Variants in IPO11 observed in about 807,000 individuals in gnomAD.
The protein encoded by IPO11 is importin-11.
Under a neutral mutation model 143.2 loss-of-function variants are expected in IPO11, and 66 were observed. That is an observed-to-expected ratio of 0.46 (90% CI 0.38 to 0.57). The LOEUF is 0.57. Among genes scored for constraint, IPO11 ranks in the 20% least tolerant of loss-of-function variants. The pLI, the probability that IPO11 is intolerant of heterozygous loss-of-function variation, is 0.00. For synonymous variants in IPO11, 385 were observed against 377.8 expected (o/e 1.02, Z -0.22); for missense variants, 1,026 against 1,141.0 (o/e 0.90, Z 1.45).
At chr5:62,470,883 AG>A (rs2112199830) in intron 7 of IPO11, among the ~76,000 whole-genome samples, 1 of 118,516 alleles carries the variant, frequency 8.4e-6, no homozygotes, top group African/African-American at 3.3e-5. Flanking sequence ...GCTGGAGTGC[AG>A]TGGTGCAGTC....
At chr5:62,572,655 C>T (rs1744175772) in intron 27 of IPO11, among the ~76,000 whole-genome samples, 1 of 151,952 alleles carries the variant, frequency 6.6e-6, no homozygotes, top group Admixed American at 6.6e-5. Context: ...GATCTTGGCT[C>T]ACTGCAGCCT....
chr5:62,465,541 A>T (rs1246227992), intron 5 of IPO11, among the ~76,000 whole-genome samples: 2 of 152,226 alleles, frequency 1.3e-5, no homozygotes, highest in African/African-American at 4.8e-5. Flanking sequence ...TTTTTATGAT[A>T]CAGTGGTTTG....
intron 26 of IPO11, among the ~76,000 whole-genome samples, chr5:62,554,591 T>C (rs970860709): frequency 2.0e-5 from 3 of 152,134 alleles, no homozygotes; most frequent in Admixed American, 1.3e-4. Context: ...GCTGTAAATG[T>C]ATGGATTTAT....
At chr5:62,491,842 AT>A (rs559444259) in intron 15 of IPO11, among the ~76,000 whole-genome samples, 5 of 149,062 alleles carry the variant, frequency 3.4e-5, no homozygotes, top group East Asian at 2.0e-4. Flanking sequence ...ATTTTTTTGT[AT>A]TTTTTTTTAG....
chr5:62,423,856 G>A (rs569365374), intron 1 of IPO11, among the ~76,000 whole-genome samples: 1 of 151,872 alleles, frequency 6.6e-6, no homozygotes, highest in South Asian at 2.1e-4. Flanking sequence ...ACTCTTCCCC[G>A]GTCTTCACAG....
intron 2 of IPO11, among the ~76,000 whole-genome samples, chr5:62,442,465 A>G (rs1744520314): frequency 6.6e-6 from 1 of 152,232 alleles, no homozygotes; most frequent in Non-Finnish European, 1.5e-5. Flanking sequence ...TTAACATACA[A>G]CTGAGCAGGT....
At chr5:62,416,715 C>CTTTTTTTTTTTTTTTT (rs11295932) in intron 1 of IPO11, among the ~76,000 whole-genome samples, 1 of 144,138 alleles carries the variant, frequency 6.9e-6, no homozygotes. Flanking sequence ...CTCTTATTAT[C>CTTTTTTTTTTTTTTTT]TTTTTTTTTT....
At chr5:62,584,091 A>G (rs1227338130) in intron 27 of IPO11, among the ~76,000 whole-genome samples, 1 of 152,230 alleles carries the variant, frequency 6.6e-6, no homozygotes, top group African/African-American at 2.4e-5. Flanking sequence ...AGAAATCAAT[A>G]GTATTTATTT....
intron 27 of IPO11, among the ~76,000 whole-genome samples, chr5:62,576,843 T>A (rs1337303058): frequency 2.0e-5 from 3 of 152,242 alleles, no homozygotes; most frequent in Non-Finnish European, 4.4e-5. Flanking sequence ...GAACAATTGC[T>A]CTGTTATTTA....
chr5:62,548,619 A>G (rs1403918083), intron 24 of IPO11, among the ~76,000 whole-genome samples: 1 of 152,158 alleles, frequency 6.6e-6, no homozygotes, highest in African/African-American at 2.4e-5. Flanking sequence ...TTTCTTAGAC[A>G]GACTTTCAAC....
At chr5:62,568,919 A>T (rs1016169105) in intron 27 of IPO11, among the ~76,000 whole-genome samples, 5 of 152,188 alleles carry the variant, frequency 3.3e-5, no homozygotes, top group African/African-American at 4.8e-5. Context: ...AAAGGGACTG[A>T]CTGTTCACTT....
At chr5:62,600,444 C>T (rs953119860) in intron 28 of IPO11, among the ~76,000 whole-genome samples, 1 of 152,166 alleles carries the variant, frequency 6.6e-6, no homozygotes, top group African/African-American at 2.4e-5. Flanking sequence ...GAATTTGATG[C>T]AGAATAAAGC....
In IPO11 at chr5:62,449,907, A is replaced by G. The variant is rs1011557164; in HGVS notation, c.240-20A>G. 17 of 1,432,298 alleles carry G rather than the reference A, an allele frequency of 1.2e-5. No individual in the cohort carries two copies. Among genetic ancestry groups the G allele is most frequent in the African/African-American group, 6.3e-5 (3 of 47,372 alleles). The allele number at this position is 1,432,298 out of a possible 1,614,324, so 88.7% of individuals were successfully genotyped here. A position where few individuals can be genotyped will look rare whatever the true frequency, so the allele number is the denominator to read the frequency against. On this transcript the variant is annotated intron_variant, in intron 3 of 29. Coordinates refer to ENST00000325324, the MANE Select transcript of IPO11 (RefSeq NM_016338.5). ...TAGGTGGCATTCTTTTGCATAATCA[A>G]TACTTTTTTTTTTTTACAGTGCTCT...
chr5:62,458,123 G>A (rs1311962294), intron 5 of IPO11, among the ~76,000 whole-genome samples: 2 of 147,398 alleles, frequency 1.4e-5, no homozygotes, highest in African/African-American at 2.5e-5. Context: ...CTCCAGCCTG[G>A]GCGACAGAGC....
chr5:62,430,188 T>A (rs537402332), intron 1 of IPO11, among the ~76,000 whole-genome samples: 2 of 152,354 alleles, frequency 1.3e-5, no homozygotes, highest in East Asian at 3.9e-4. Flanking sequence ...TTCTCTTGAC[T>A]GTATGTCCAA....
intron 27 of IPO11, among the ~76,000 whole-genome samples, chr5:62,568,241 G>T (rs925731295): frequency 6.6e-6 from 1 of 151,862 alleles, no homozygotes; most frequent in African/African-American, 2.4e-5. Context: ...TAGGATTACA[G>T]ATGTGAGCCA....
intron 5 of IPO11, among the ~76,000 whole-genome samples, chr5:62,457,099 T>C (rs1745188106): frequency 6.6e-6 from 1 of 152,074 alleles, no homozygotes; most frequent in African/African-American, 2.4e-5. Context: ...GGGGAAAATA[T>C]CTGCCATGGA....
chr5:62,579,251 C>A, intron 27 of IPO11: 1 of 608,244 alleles, frequency 1.6e-6, no homozygotes. Context: ...GTATTCCATA[C>A]TCATTATTTT....
At chr5:62,523,412 GAA>G (rs2112300608) in intron 20 of IPO11, among the ~76,000 whole-genome samples, 1 of 152,254 alleles carries the variant, frequency 6.6e-6, no homozygotes, top group South Asian at 2.1e-4. Flanking sequence ...AACATCTCTT[GAA>G]GGTCAGAGGA....
Sources: gnomAD v4.1 joint callset for allele counts (sites outside exome capture counted in the v4.1 genomes callset) on GRCh38, gnomAD v4.1.1 for gene constraint, MANE v1.5 for transcripts, NCBI Gene and HGNC (gene_info 2026-07-23, HGNC 2026-07-21) for gene names.